Variants in PTDSS2 observed in about 807,000 individuals in gnomAD.
The protein encoded by PTDSS2 is phosphatidylserine synthase 2.
Under a neutral mutation model 64.7 loss-of-function variants are expected in PTDSS2, and 41 were observed. That is an observed-to-expected ratio of 0.63 (90% CI 0.49 to 0.82). The LOEUF is 0.82. PTDSS2 is among the 40% of genes least tolerant of loss of function. The pLI, the probability that PTDSS2 is intolerant of heterozygous loss-of-function variation, is 0.00. For missense variants in PTDSS2, 485 were observed against 650.0 expected (o/e 0.75, Z 2.76); for synonymous variants, 297 against 277.8 (o/e 1.07, Z -0.69).
At chr11:485,816 GGC>G (rs1350249772) in intron 4 of PTDSS2, among the ~76,000 whole-genome samples, 1 of 68,672 alleles carries the variant, frequency 1.5e-5, no homozygotes, top group Non-Finnish European at 2.7e-5. Flanking sequence ...ACAGTGCACG[GGC>G]GCGCGTGTGC....
chr11:456,527 C>T (rs888885429), intron 1 of PTDSS2, among the ~76,000 whole-genome samples: 1 of 152,036 alleles, frequency 6.6e-6, no homozygotes, highest in Non-Finnish European at 1.5e-5. Context: ...TTACTCTCCT[C>T]ACCGAAATCT....
chr11:457,731 T>C (rs769850603), intron 1 of PTDSS2, among the ~76,000 whole-genome samples: 4 of 152,252 alleles, frequency 2.6e-5, no homozygotes, highest in Non-Finnish European at 4.4e-5. Flanking sequence ...TTTTCATCTG[T>C]CTCAGGCCCA....
intron 1 of PTDSS2, among the ~76,000 whole-genome samples, chr11:451,720 A>G (rs757423001): frequency 6.6e-6 from 1 of 152,182 alleles, no homozygotes; most frequent in African/African-American, 2.4e-5. Flanking sequence ...GCGCCACCAC[A>G]GACAGGGACT....
At chr11:464,349 C>T (rs1400337324) in intron 2 of PTDSS2, among the ~76,000 whole-genome samples, 1 of 152,238 alleles carries the variant, frequency 6.6e-6, no homozygotes, top group Non-Finnish European at 1.5e-5. Context: ...CTGATTCACG[C>T]GTACGGCTGA....
At chr11:449,701 G>C (rs761612873), upstream of PTDSS2, among the ~76,000 whole-genome samples, 1 of 152,194 alleles carries the variant, frequency 6.6e-6, no homozygotes, top group Non-Finnish European at 1.5e-5. Context: ...TGTAATCCCA[G>C]CACTTTGGGA....
In PTDSS2 at chr11:485,610, C is replaced by CTG. The variant is rs1554956228; in HGVS notation, c.436-1328_436-1327dup. Reference sequence around the variant, plus strand: ...TAAACTGCACGGGCGCGTGTGCTCACTGCGCAGGCGAGTGTAAACAGTGCA... The same window carrying CTG: ...TAAACTGCACGGGCGCGTGTGCTCACTGTGCGCAGGCGAGTGTAAACAGTGCA... On this transcript the variant is annotated intron_variant, in intron 4 of 11. Transcript: ENST00000308020. Among the ~76,000 whole-genome samples the CTG allele has an allele frequency of 2.6e-5, 3 of 117,314 alleles. 1 individual carries two copies. Among genetic ancestry groups the CTG allele is most frequent in the Admixed American group, 1.7e-4 (2 of 12,120 alleles). The allele number at this position is 117,314 out of a possible 152,430, so 77.0% of individuals were successfully genotyped here. A position where few individuals can be genotyped will look rare whatever the true frequency, so the allele number is the denominator to read the frequency against.
At chr11:464,230 G>A (rs559375165) in intron 2 of PTDSS2, among the ~76,000 whole-genome samples, 4 of 152,184 alleles carry the variant, frequency 2.6e-5, no homozygotes, top group African/African-American at 9.6e-5. Flanking sequence ...CAGTACACCC[G>A]CCTCAGCCTC....
chr11:455,158 G>A (rs1846527103), intron 1 of PTDSS2, among the ~76,000 whole-genome samples: 1 of 152,188 alleles, frequency 6.6e-6, no homozygotes, highest in Admixed American at 6.5e-5. Context: ...GTTGAGTGGT[G>A]TCCTCACGTT....
At chr11:465,993 G>A (rs1379666883) in intron 2 of PTDSS2, among the ~76,000 whole-genome samples, 2 of 152,154 alleles carry the variant, frequency 1.3e-5, no homozygotes, top group Non-Finnish European at 2.9e-5. Context: ...GAAAAGGTGA[G>A]CCACAAGCTG....
At chr11:488,855 C>T (rs1358650798) in intron 8 of PTDSS2, among the ~76,000 whole-genome samples, 3 of 152,246 alleles carry the variant, frequency 2.0e-5, no homozygotes, top group Non-Finnish European at 4.4e-5. Context: ...GCGTCTGACC[C>T]ACGTACCTCC....
chr11:473,812 T>C, intron 2 of PTDSS2, 83 bp from the exon 3 acceptor site: 1 of 1,030,424 alleles, frequency 9.7e-7, no homozygotes, highest in Non-Finnish European at 1.5e-6. Flanking sequence ...CCACAATGGG[T>C]GTCTGGGGGT....
At chr11:456,170 C>CTTTTTTT (rs71022912) in intron 1 of PTDSS2, among the ~76,000 whole-genome samples, 36 of 114,890 alleles carry the variant, frequency 3.1e-4, no homozygotes, top group Admixed American at 4.9e-4. Context: ...TTCTTTCATT[C>CTTTTTTT]TTTTTTTTTT....
At position 450,550 on chromosome 11, in the gene PTDSS2, C is replaced by G. The variant is rs889096423; in HGVS notation, c.95C>G (p.Pro32Arg). The change falls in exon 1 of 12, where the codon CCG becomes CGG. Residue 32 changes from proline (P) to arginine (R), a missense_variant. Physicochemically the swap from Pro to Arg is moderately radical, Grantham distance 103. Transcript: ENST00000308020. ...RASLEEPPDG[P>R]SAGQATGPGE... ...TCGCTGGAGGAGCCGCCTGACGGGC[C>G]GTCTGCCGGCCAAGCCACCGGGCCG... 5 of 1,242,560 alleles carry G rather than the reference C, an allele frequency of 4.0e-6. No individual in the cohort carries two copies. The highest frequency in any genetic ancestry group is 2.0e-6 in the Non-Finnish European group (2 of 985,956). The allele number at this position is 1,242,560 out of a possible 1,614,324, so 77.0% of individuals were successfully genotyped here.
intron 4 of PTDSS2, among the ~76,000 whole-genome samples, chr11:486,045 CAG>C (rs1253984588): frequency 1.3e-5 from 2 of 151,130 alleles, no homozygotes; most frequent in Non-Finnish European, 2.9e-5. Flanking sequence ...CGAGTGTAAA[CAG>C]TGCACGGGCG....
At chr11:484,898 CG>C (rs1466302186) in intron 4 of PTDSS2, among the ~76,000 whole-genome samples, 1 of 135,978 alleles carries the variant, frequency 7.4e-6, no homozygotes, top group Non-Finnish European at 1.5e-5. Flanking sequence ...AGTGCACGGG[CG>C]TGTGTGTGCT....
At chr11:457,501 G>T (rs1331393427) in intron 1 of PTDSS2, among the ~76,000 whole-genome samples, 2 of 152,138 alleles carry the variant, frequency 1.3e-5, no homozygotes. Flanking sequence ...TGAGCTCCTG[G>T]CCCAAAACAG....
chr11:463,144 GA>G (rs1176757425), intron 2 of PTDSS2: 1 of 141,874 alleles, frequency 7.0e-6, no homozygotes, highest in East Asian at 2.1e-4. Context: ...TCCACCTGCC[GA>G]AAAAGCGAGA....
chr11:452,671 C>G (rs570545243), intron 1 of PTDSS2, among the ~76,000 whole-genome samples: 2 of 152,184 alleles, frequency 1.3e-5, no homozygotes, highest in Admixed American at 1.3e-4. Context: ...CCTGTAGAGA[C>G]GCATGGGGCA....
upstream of PTDSS2, among the ~76,000 whole-genome samples, chr11:448,820 C>T (rs1454234397): frequency 6.6e-6 from 1 of 152,254 alleles, no homozygotes; most frequent in Non-Finnish European, 1.5e-5. Context: ...ACCCATTCAA[C>T]TCGTTTCGAG....
Sources: allele counts gnomAD v4.1 joint callset (sites outside exome capture counted in the v4.1 genomes callset), GRCh38; gene constraint gnomAD v4.1.1; transcripts MANE v1.5; gene names NCBI Gene and HGNC (gene_info 2026-07-23, HGNC 2026-07-21).